FKBP7: variants seen among roughly 807,000 people sequenced by gnomAD.
FKBP7 encodes the protein peptidyl-prolyl cis-trans isomerase FKBP7.
Under a neutral mutation model 24.3 loss-of-function variants are expected in FKBP7, and 24 were observed. The observed-to-expected ratio is 0.99, with a 90% CI of 0.72 to 1.39. FKBP7 has a LOEUF of 1.39. FKBP7 is among the 40% of genes most tolerant of loss of function. The pLI is 0.00. For synonymous variants in FKBP7, 98 were observed against 92.8 expected (o/e 1.06, Z -0.32); for missense variants, 257 against 269.5 (o/e 0.95, Z 0.33).
At chr2:178,475,563 A>G (rs1361858284) in intron 2 of FKBP7, among the ~76,000 whole-genome samples, 1 of 152,142 alleles carries the variant, frequency 6.6e-6, no homozygotes, top group Admixed American at 6.5e-5. Context: ...GTTGATAGAG[A>G]AGTTGAATGA....
At chr2:178,476,583 A>C (rs556834391) in intron 2 of FKBP7, among the ~76,000 whole-genome samples, 4 of 152,220 alleles carry the variant, frequency 2.6e-5, no homozygotes, top group South Asian at 4.1e-4. Context: ...ACCTCACATA[A>C]ATGGAATTAT....
At chr2:178,477,264 G>A in intron 1 of FKBP7, 51 bp from the exon 2 acceptor site, 1 of 1,575,668 alleles carries the variant, frequency 6.3e-7, no homozygotes, top group Non-Finnish European at 8.6e-7. Flanking sequence ...AATCAAACTT[G>A]AAAATACAGC....
chr2:178,475,643 T>A (rs1684979686), intron 2 of FKBP7, among the ~76,000 whole-genome samples: 1 of 152,264 alleles, frequency 6.6e-6, no homozygotes, highest in South Asian at 2.1e-4. Context: ...GCTAATCTGA[T>A]GAGTGAAATA....
chr2:178,471,009 C>T (rs1684834895), intron 2 of FKBP7, among the ~76,000 whole-genome samples: 1 of 151,926 alleles, frequency 6.6e-6, no homozygotes. Flanking sequence ...TCCTGAGTAC[C>T]TGGGATTACA....
At chr2:178,467,332 A>G (rs972845376) in intron 3 of FKBP7, among the ~76,000 whole-genome samples, 3 of 152,202 alleles carry the variant, frequency 2.0e-5, no homozygotes, top group Admixed American at 2.0e-4. Context: ...AATATTAAAG[A>G]AAGTTTTTCT....
chr2:178,465,890 C>A lies in FKBP7; in HGVS notation c.549G>T (p.Lys183Asn). Residue 183 changes from lysine to asparagine, a missense_variant, in exon 4 of 4, where the codon AAG (lysine) becomes AAT (asparagine). Coordinates refer to ENST00000424785, the MANE Select transcript of FKBP7 (RefSeq NM_181342.3). The stretch of plus-strand genomic sequence containing the variant: ...CATCCTGATATGACTTGTCACGTGG[C>A]TTCTCATCTTTTTCAAATTCCCTTT... ...YLQREFEKDE[K>N]PRDKSYQDAV... is the part of the protein sequence containing the mutation. The A allele has an allele frequency of 1.2e-6, 2 of 1,604,044 alleles. No individual in the cohort carries two copies. Among genetic ancestry groups the A allele is most frequent in the South Asian group, 2.3e-5 (2 of 88,198 alleles).
chr2:178,466,152 G>A (rs1436912075), intron 3 of FKBP7, among the ~76,000 whole-genome samples: 1 of 152,118 alleles, frequency 6.6e-6, no homozygotes, highest in Non-Finnish European at 1.5e-5. Flanking sequence ...GATGATAGAT[G>A]GTTAGTGGTA....
At chr2:178,473,093 T>A (rs751034158) in intron 2 of FKBP7, 1 of 1,305,356 alleles carries the variant, frequency 7.7e-7, no homozygotes, top group Admixed American at 2.3e-5. Flanking sequence ...GGTTGTTCTG[T>A]GACATGAGAC....
At chr2:178,468,536 C>T (rs956192909) in intron 3 of FKBP7, among the ~76,000 whole-genome samples, 3 of 151,594 alleles carry the variant, frequency 2.0e-5, no homozygotes, top group South Asian at 4.2e-4. Flanking sequence ...CTGCGGGGAT[C>T]GCTTGAGCCC....
Position 178,467,425 on chromosome 2 carries a change from GTTTGTT to G in FKBP7, c.508-1500_508-1495del, listed in dbSNP as rs565134100. ...TGACAATGAATAAAGTTTTTTGTTTGTTTGTTTTTGTTTTTGTTTTTTTAGTTCGTG... is the reference window on the plus strand; with the variant it reads ...TGACAATGAATAAAGTTTTTTGTTTGTTTGTTTTTGTTTTTTTAGTTCGTG... On this transcript the variant is annotated intron_variant, in intron 3 of 3. Coordinates refer to ENST00000424785, the MANE Select transcript of FKBP7 (RefSeq NM_181342.3). 1.4e-3 allele frequency among the ~76,000 whole-genome samples: 220 copies of G among 152,010 alleles called. 5 individuals are homozygous for G. In the South Asian group the frequency reaches 0.022, roughly 15 times the overall value.
At position 178,476,335 on chromosome 2, in the gene FKBP7, C is replaced by T. The variant is rs191335223; in HGVS notation, c.373+727G>A. 1.4e-3 allele frequency among the ~76,000 whole-genome samples: 219 copies of T among 152,262 alleles called. 4 individuals are homozygous for T. The South Asian group carries it at 0.022, about 15-fold the overall frequency. ...ATTTCATCTATCATTTTTTATTTCA[C>T]TTTTTTGTTTTTAATTGTGGTAAAA... On this transcript the variant is annotated intron_variant, in intron 2 of 3. Coordinates refer to ENST00000424785, the MANE Select transcript of FKBP7 (RefSeq NM_181342.3).
chr2:178,475,524 C>T (rs1159905673), intron 2 of FKBP7, among the ~76,000 whole-genome samples: 1 of 152,116 alleles, frequency 6.6e-6, no homozygotes, highest in Admixed American at 6.6e-5. Flanking sequence ...GCCACCACAC[C>T]CGGGCCTGCA....
intron 3 of FKBP7, chr2:178,467,666 A>G (rs1684710835): frequency 6.6e-6 from 1 of 152,274 alleles, no homozygotes; most frequent in African/African-American, 2.4e-5. Context: ...TCTGGCAATA[A>G]AGCAGCTGAT....
Position 178,465,890 on chromosome 2 carries a change from C to T in FKBP7, c.549G>A (p.Lys183=), listed in dbSNP as rs1167013696. ...YLQREFEKDE[K]PRDKSYQDAV... Reference sequence around the variant, plus strand: ...CATCCTGATATGACTTGTCACGTGGCTTCTCATCTTTTTCAAATTCCCTTT... The same window carrying T: ...CATCCTGATATGACTTGTCACGTGGTTTCTCATCTTTTTCAAATTCCCTTT... Residue 183 remains lysine, a synonymous_variant, in exon 4 of 4, where the codon AAG becomes AAA. Coordinates refer to ENST00000424785, the MANE Select transcript of FKBP7 (RefSeq NM_181342.3). 6.2e-7 allele frequency: 1 copy of T among 1,604,044 alleles called. No homozygotes were observed. The highest frequency in any genetic ancestry group is 8.5e-7 in the Non-Finnish European group (1 of 1,176,926).
chr2:178,466,911 G>A (rs1031749489), intron 3 of FKBP7, among the ~76,000 whole-genome samples: 1 of 152,154 alleles, frequency 6.6e-6, no homozygotes, highest in African/African-American at 2.4e-5. Flanking sequence ...GAGTTTGAGA[G>A]GTTTTTAGCA....
rs1438071151 is a variant in FKBP7, at chr2:178,464,610, G to C, written c.*1160C>G. 2.0e-5 allele frequency: 3 copies of C among 152,158 alleles called. No individual in the cohort carries two copies. The highest frequency in any genetic ancestry group is 7.2e-5 in the African/African-American group (3 of 41,422). 9.4% of individuals were successfully genotyped at this position (152,158 alleles called of 1,614,324 possible). A position where few individuals can be genotyped will look rare whatever the true frequency, so the allele number is the denominator to read the frequency against. ...ACCTGGTCTCTCCATTGACATGTGG[G>C]GATTATGGAAATTATGGGGATTATA... On this transcript the variant is annotated 3_prime_UTR_variant, in exon 4 of 4. Transcript: ENST00000424785.
intron 2 of FKBP7, among the ~76,000 whole-genome samples, chr2:178,473,944 A>G (rs531153203): frequency 1.3e-5 from 2 of 152,230 alleles, no homozygotes; most frequent in African/African-American, 4.8e-5. Context: ...AAGCATTAAA[A>G]ATAAAGCTGA....
chr2:178,469,585 G>C, intron 3 of FKBP7, 67 bp downstream of exon 3: 1 of 1,527,062 alleles, frequency 6.5e-7, no homozygotes, highest in Non-Finnish European at 9.0e-7. Context: ...AGTAATAGTT[G>C]TAACACAGAT....
chr2:178,473,514 G>A (rs1684916119), intron 2 of FKBP7, among the ~76,000 whole-genome samples: 1 of 152,200 alleles, frequency 6.6e-6, no homozygotes, highest in African/African-American at 2.4e-5. Flanking sequence ...TAGGCAGCCT[G>A]GGTAGTCATT....
Sources: allele counts gnomAD v4.1 joint callset (sites outside exome capture counted in the v4.1 genomes callset), GRCh38; gene constraint gnomAD v4.1.1; transcripts MANE v1.5; gene names NCBI Gene and HGNC (gene_info 2026-07-23, HGNC 2026-07-21).